Variants in NEDD4L observed in about 807,000 individuals in gnomAD.
NEDD4L encodes E3 ubiquitin-protein ligase NEDD4-like.
In NEDD4L, 54 loss-of-function variants were observed where a neutral mutation model predicts 148.9. That is an observed-to-expected ratio of 0.36 (90% CI 0.29 to 0.45). The LOEUF is 0.45. Ranked by LOEUF, NEDD4L falls within the 20% of genes least tolerant of loss-of-function variation. The pLI is 1.00. For synonymous variants in NEDD4L, 433 were observed against 440.7 expected (o/e 0.98, Z 0.22); for missense variants, 856 against 1,233.8 (o/e 0.69, Z 4.59).
chr18:58,353,081 G>C (rs973490525), intron 18 of NEDD4L, among the ~76,000 whole-genome samples: 1 of 152,196 alleles, frequency 6.6e-6, no homozygotes, highest in Non-Finnish European at 1.5e-5. Context: ...TGTTGTGCTT[G>C]ATCAGAAAGT....
intron 2 of NEDD4L, chr18:58,195,629 C>T: frequency 7.4e-7 from 1 of 1,349,412 alleles, no homozygotes; most frequent in African/African-American, 1.5e-5. Context: ...ACCAGGATTT[C>T]TCCTCGCCGC....
intron 1 of NEDD4L, among the ~76,000 whole-genome samples, chr18:58,084,691 G>C (rs1348614626): frequency 6.6e-6 from 1 of 151,394 alleles, no homozygotes; most frequent in Non-Finnish European, 1.5e-5. Flanking sequence ...GTGTGTGTGT[G>C]TGTGTGTGTG....
intron 2 of NEDD4L, among the ~76,000 whole-genome samples, chr18:58,190,208 G>T (rs1458032324): frequency 6.6e-6 from 1 of 152,082 alleles, no homozygotes; most frequent in African/African-American, 2.4e-5. Flanking sequence ...CACACTTCAT[G>T]CAAAGAAACT....
chr18:58,354,809 G>A (rs1471891785), intron 18 of NEDD4L, among the ~76,000 whole-genome samples: 1 of 152,220 alleles, frequency 6.6e-6, no homozygotes, highest in Non-Finnish European at 1.5e-5. Flanking sequence ...ATCTGCTTGG[G>A]AGGTGGTTGG....
intron 1 of NEDD4L, among the ~76,000 whole-genome samples, chr18:58,140,301 T>C (rs1002934653): frequency 2.6e-5 from 4 of 152,192 alleles, no homozygotes; most frequent in Admixed American, 2.6e-4. Flanking sequence ...GTGATTAAAA[T>C]CATACTTCCT....
intron 2 of NEDD4L, among the ~76,000 whole-genome samples, chr18:58,241,937 C>T (rs905905177): frequency 6.6e-6 from 1 of 151,998 alleles, no homozygotes; most frequent in South Asian, 2.1e-4. Context: ...TAGCATTGAG[C>T]TTCCTAGAGA....
rs1324777269 is a variant in NEDD4L at position 58,387,593 on chromosome 18, T to C, written c.2547+95T>C. ...TATTTTAATATTCTTGGATCCATAA[T>C]GTCCTAGAGAGTAACTTTAGATGAA... On this transcript the variant is annotated intron_variant, in intron 27 of 30. Coordinates refer to ENST00000400345, the MANE Select transcript of NEDD4L (RefSeq NM_001144967.3). 4.7e-6 allele frequency: 6 copies of C among 1,287,534 alleles called. No individual in the cohort carries two copies. The East Asian group carries it at 1.1e-4, about 23-fold the overall frequency. 79.8% of individuals were successfully genotyped at this position (1,287,534 alleles called of 1,614,324 possible). A position where few individuals can be genotyped will look rare whatever the true frequency, so the allele number is the denominator to read the frequency against.
At chr18:58,290,264 A>C (rs1369048757) in intron 5 of NEDD4L, among the ~76,000 whole-genome samples, 1 of 152,282 alleles carries the variant, frequency 6.6e-6, no homozygotes, top group African/African-American at 2.4e-5. Flanking sequence ...AGGGAAATTC[A>C]ACAACCAGAT....
chr18:58,106,945 CAG>C (rs1370401497), intron 1 of NEDD4L, among the ~76,000 whole-genome samples: 22 of 152,170 alleles, frequency 1.4e-4, no homozygotes, highest in Admixed American at 1.4e-3. Context: ...GTAACAACTG[CAG>C]ATGGGGTGGC....
chr18:58,149,510 A>G, intron 1 of NEDD4L: 2 of 1,551,366 alleles, frequency 1.3e-6, no homozygotes, highest in Non-Finnish European at 1.7e-6. Flanking sequence ...TTAATGCACT[A>G]AACCTTTAAT....
intron 1 of NEDD4L, among the ~76,000 whole-genome samples, chr18:58,140,397 A>G (rs556213605): frequency 1.3e-5 from 2 of 152,212 alleles, no homozygotes; most frequent in African/African-American, 2.4e-5. Context: ...ATTTTATAAA[A>G]ATGTAGACTG....
At chr18:58,158,024 A>C (rs912538487) in intron 1 of NEDD4L, among the ~76,000 whole-genome samples, 1 of 152,258 alleles carries the variant, frequency 6.6e-6, no homozygotes, top group African/African-American at 2.4e-5. Context: ...TGGTTCTGAC[A>C]TGTGCCTTTC....
At chr18:58,174,434 G>A (rs906141487) in intron 2 of NEDD4L, among the ~76,000 whole-genome samples, 2 of 152,282 alleles carry the variant, frequency 1.3e-5, no homozygotes, top group East Asian at 3.9e-4. Flanking sequence ...TGGCTCGAAG[G>A]TGGGGTTTCA....
intron 25 of NEDD4L, among the ~76,000 whole-genome samples, chr18:58,383,763 G>A (rs1354065220): frequency 6.6e-6 from 1 of 152,196 alleles, no homozygotes; most frequent in Non-Finnish European, 1.5e-5. Flanking sequence ...GAAGAATTCA[G>A]CATGTGCAAC....
At chr18:58,280,369 G>C (rs1007411958) in intron 5 of NEDD4L, among the ~76,000 whole-genome samples, 1 of 152,108 alleles carries the variant, frequency 6.6e-6, no homozygotes, top group African/African-American at 2.4e-5. Flanking sequence ...GTAGGGAAGA[G>C]AGCACCAGGG....
intron 1 of NEDD4L, chr18:58,044,934 C>T (rs559586308): frequency 2.1e-6 from 1 of 473,776 alleles, no homozygotes; most frequent in East Asian, 3.5e-5. Context: ...GCGCGACGCC[C>T]TTGGAGCTGG....
At chr18:58,218,441 A>C (rs2043374968) in intron 2 of NEDD4L, among the ~76,000 whole-genome samples, 1 of 152,222 alleles carries the variant, frequency 6.6e-6, no homozygotes, top group Admixed American at 6.5e-5. Flanking sequence ...AAAAATTCCA[A>C]GGGAAATGAG....
chr18:58,117,679 G>A (rs1441413484), intron 1 of NEDD4L, among the ~76,000 whole-genome samples: 3 of 152,112 alleles, frequency 2.0e-5, no homozygotes, highest in Non-Finnish European at 4.4e-5. Flanking sequence ...AACGTACCCG[G>A]GCTATTCTGA....
At chr18:58,278,972 A>G (rs1481518055) in intron 5 of NEDD4L, among the ~76,000 whole-genome samples, 3 of 152,176 alleles carry the variant, frequency 2.0e-5, no homozygotes, top group African/African-American at 4.8e-5. Context: ...CCCAGGTTCA[A>G]GTGATTCTCC....
Sources: gnomAD v4.1 joint callset for allele counts (sites outside exome capture counted in the v4.1 genomes callset) on GRCh38, gnomAD v4.1.1 for gene constraint, MANE v1.5 for transcripts, NCBI Gene and HGNC (gene_info 2026-07-23, HGNC 2026-07-21) for gene names.